The following LDB2 variants were observed in gnomAD, a reference collection of about 807,000 sequenced individuals.
The protein encoded by LDB2 is LIM domain-binding protein 2.
A neutral mutation model predicts 44.3 loss-of-function variants in LDB2; 12 were observed. That is an observed-to-expected ratio of 0.27 (90% CI 0.17 to 0.44). The LOEUF is 0.44. Among genes scored for constraint, LDB2 ranks in the 20% least tolerant of loss-of-function variants. The pLI is 1.00. For synonymous variants in LDB2, 164 were observed against 174.8 expected, an observed-to-expected ratio of 0.94 and a Z score of 0.49; for missense variants, 344 against 473.5, an observed-to-expected ratio of 0.73 and a Z score of 2.54.
Position 16,644,996 on chromosome 4 carries a change from T to C in LDB2, c.236-49121A>G, listed in dbSNP as rs368712367. The stretch of plus-strand genomic sequence containing the variant: ...ATAGACATAAGCATAAACACTTAAG[T>C]TGGAAACAGAAAAACTCTTACTATT... On this transcript the variant is annotated intron_variant, in intron 2 of 7. Transcript: ENST00000304523. 2.8e-4 allele frequency among the ~76,000 whole-genome samples: 43 copies of C among 152,256 alleles called. 2 individuals carry two copies. In the South Asian group the frequency reaches 6.8e-3, roughly 24 times the overall value.
At chr4:16,730,311 G>A (rs972030366) in intron 2 of LDB2, among the ~76,000 whole-genome samples, 1 of 152,012 alleles carries the variant, frequency 6.6e-6, no homozygotes, top group Non-Finnish European at 1.5e-5. Context: ...TTGCTTCACG[G>A]TCATTATCAT....
At chr4:16,882,719 T>C (rs938052583) in intron 1 of LDB2, among the ~76,000 whole-genome samples, 5 of 151,974 alleles carry the variant, frequency 3.3e-5, no homozygotes, top group African/African-American at 1.2e-4. Flanking sequence ...AATACAGTAT[T>C]TTTTTTTCAA....
intron 2 of LDB2, among the ~76,000 whole-genome samples, chr4:16,730,805 A>G (rs970592119): frequency 1.5e-4 from 23 of 152,202 alleles, no homozygotes; most frequent in African/African-American, 4.8e-4. Context: ...AGACCTATTC[A>G]TTGTCATGAC....
At chr4:16,629,580 G>A (rs1731293532) in intron 2 of LDB2, among the ~76,000 whole-genome samples, 1 of 151,968 alleles carries the variant, frequency 6.6e-6, no homozygotes, top group Non-Finnish European at 1.5e-5. Flanking sequence ...GAAAGGAATA[G>A]CATCAACATC....
chr4:16,855,586 C>A (rs1789196630), intron 1 of LDB2, among the ~76,000 whole-genome samples: 1 of 151,934 alleles, frequency 6.6e-6, no homozygotes, highest in South Asian at 2.1e-4. Context: ...ACAAAGTGAG[C>A]CAATCACATC....
intron 2 of LDB2, among the ~76,000 whole-genome samples, chr4:16,615,565 T>C (rs1217587196): frequency 6.6e-6 from 1 of 151,378 alleles, no homozygotes; most frequent in Non-Finnish European, 1.5e-5. Context: ...TGAGAACACA[T>C]GGACACAGAG....
At chr4:16,879,807 G>T (rs1469102146) in intron 1 of LDB2, among the ~76,000 whole-genome samples, 1 of 152,128 alleles carries the variant, frequency 6.6e-6, no homozygotes, top group Admixed American at 6.5e-5. Context: ...CACAGAGGGA[G>T]TAGAGAAGTA....
intron 7 of LDB2, 168 bp from the exon 8 acceptor site, chr4:16,503,041 A>T (rs1560289055): frequency 6.5e-7 from 1 of 1,546,714 alleles, no homozygotes; most frequent in African/African-American, 1.4e-5. Flanking sequence ...TTTCTACAGG[A>T]AATAAACATC....
At chr4:16,833,931 C>T (rs1268105218) in intron 1 of LDB2, among the ~76,000 whole-genome samples, 1 of 152,202 alleles carries the variant, frequency 6.6e-6, no homozygotes, top group Non-Finnish European at 1.5e-5. Context: ...TTTGTACTTG[C>T]TCTCTTAACA....
chr4:16,521,674 C>G (rs1450685481), intron 5 of LDB2, among the ~76,000 whole-genome samples: 2 of 152,174 alleles, frequency 1.3e-5, no homozygotes, highest in African/African-American at 4.8e-5. Context: ...ACAGTTCCAG[C>G]TGATACCAGG....
intron 1 of LDB2, among the ~76,000 whole-genome samples, chr4:16,780,174 A>C (rs1251638412): frequency 6.6e-6 from 1 of 152,184 alleles, no homozygotes; most frequent in Non-Finnish European, 1.5e-5. Context: ...AATTGGTATG[A>C]GGAAAATGGA....
chr4:16,828,352 C>T (rs1783440652), intron 1 of LDB2, among the ~76,000 whole-genome samples: 1 of 152,176 alleles, frequency 6.6e-6, no homozygotes, highest in Non-Finnish European at 1.5e-5. Context: ...ACTTCTCTGC[C>T]TTTAGGATTT....
At chr4:16,548,397 C>G (rs1263275777) in intron 5 of LDB2, among the ~76,000 whole-genome samples, 2 of 152,154 alleles carry the variant, frequency 1.3e-5, no homozygotes, top group Non-Finnish European at 2.9e-5. Context: ...ATTCTTTCTC[C>G]TCCTCCCACC....
chr4:16,783,263 G>A (rs1214800680), intron 1 of LDB2, among the ~76,000 whole-genome samples: 1 of 152,244 alleles, frequency 6.6e-6, no homozygotes, highest in Non-Finnish European at 1.5e-5. Context: ...ATAGAAGAGT[G>A]ATTTATACTT....
At chr4:16,522,276 T>TTGTGTGTGCGTGTGTGTG (rs61400788) in intron 5 of LDB2, among the ~76,000 whole-genome samples, 4,983 of 150,310 alleles carry the variant, frequency 0.033, 134 homozygotes, top group Admixed American at 0.064. Context: ...GTGTGTGTGT[T>TTGTGTGTGCGTGTGTGTG]TGTGTGTGTG....
chr4:16,810,314 A>G (rs1422756166), intron 1 of LDB2, among the ~76,000 whole-genome samples: 1 of 152,136 alleles, frequency 6.6e-6, no homozygotes, highest in African/African-American at 2.4e-5. Flanking sequence ...CATCCTACCC[A>G]CGGGGGTCCC....
chr4:16,679,433 G>C (rs1392367006), intron 2 of LDB2, among the ~76,000 whole-genome samples: 1 of 151,982 alleles, frequency 6.6e-6, no homozygotes, highest in East Asian at 1.9e-4. Flanking sequence ...ATTTACTATG[G>C]GCCAGGCACT....
intron 1 of LDB2, among the ~76,000 whole-genome samples, chr4:16,887,000 T>G (rs1357107004): frequency 8.5e-6 from 1 of 117,758 alleles, no homozygotes; most frequent in Non-Finnish European, 1.6e-5. Flanking sequence ...GCCACTGCAC[T>G]CCAGCCTGGG....
chr4:16,784,927 T>C (rs1263501213), intron 1 of LDB2, among the ~76,000 whole-genome samples: 1 of 152,118 alleles, frequency 6.6e-6, no homozygotes, highest in East Asian at 1.9e-4. Flanking sequence ...CCCTTTGCTC[T>C]GCCACCCTTA....
Sources: gnomAD v4.1 joint callset for allele counts (sites outside exome capture counted in the v4.1 genomes callset) on GRCh38, gnomAD v4.1.1 for gene constraint, MANE v1.5 for transcripts, NCBI Gene and HGNC (gene_info 2026-07-23, HGNC 2026-07-21) for gene names.